Variants in UACA observed in about 807,000 individuals in gnomAD.
UACA encodes nuclear membrane binding protein.
A neutral mutation model predicts 160.5 loss-of-function variants in UACA; 112 were observed. The observed-to-expected ratio is 0.70, with a 90% CI of 0.60 to 0.82. The LOEUF is 0.82. Among genes scored for constraint, UACA ranks in the 40% least tolerant of loss-of-function variants. The pLI is 0.00. For missense variants in UACA, 1,574 were observed against 1,614.6 expected, an observed-to-expected ratio of 0.97 and a Z score of 0.43; for synonymous variants, 557 against 568.4, an observed-to-expected ratio of 0.98 and a Z score of 0.29.
At chr15:70,660,357 C>T (rs1010906247) in intron 17 of UACA, 141 bp from the exon 18 acceptor site, 3 of 591,624 alleles carry the variant, frequency 5.1e-6, no homozygotes, top group Non-Finnish European at 6.0e-6. Context: ...TACCTTGGAC[C>T]TACCAGATGC....
At chr15:70,679,100 T>C (rs918715448) in intron 10 of UACA, among the ~76,000 whole-genome samples, 3 of 152,108 alleles carry the variant, frequency 2.0e-5, no homozygotes, top group African/African-American at 4.8e-5. Flanking sequence ...CAAAAGTCAA[T>C]TCTTAAAGAA....
chr15:70,769,125 G>T, the UACA span, among the ~76,000 whole-genome samples: 1 of 151,924 alleles, frequency 6.6e-6, no homozygotes, highest in Non-Finnish European at 1.5e-5. Flanking sequence ...TTGGGAGGCC[G>T]AGGCGGGCAG....
upstream of UACA, among the ~76,000 whole-genome samples, chr15:70,765,377 T>A (rs2030983391): frequency 6.6e-6 from 1 of 152,218 alleles, no homozygotes; most frequent in Non-Finnish European, 1.5e-5. Context: ...TATTCTCTTT[T>A]ATGTGTGTGT....
Position 70,691,330 on chromosome 15 carries a change from C to A in UACA, c.335G>T (p.Gly112Val), listed in dbSNP as rs776691128. ...RNALHLAAKY[G>V]HALCLQKLLQ... is the part of the protein sequence containing the mutation. ...AAGTTTTTGTAGGCACAATGCATGT[C>A]CATACTTAGCAGCCAGGTGAAGAGC... is the stretch of plus-strand genomic sequence containing the variant. The change falls in exon 4 of 19, where the codon GGA (glycine) becomes GTA (valine). Residue 112 changes from glycine (G) to valine (V), a missense_variant. By Grantham distance (109) the Gly-to-Val change is moderately radical. Coordinates refer to ENST00000322954, the MANE Select transcript of UACA (RefSeq NM_018003.4). 2.2e-5 allele frequency: 35 copies of A among 1,609,364 alleles called. No individual in the cohort carries two copies. The highest frequency in any genetic ancestry group is 3.0e-5 in the Non-Finnish European group (35 of 1,177,602).
chr15:70,690,364 T>C, intron 5 of UACA, 90 bp downstream of exon 5: 2 of 1,130,936 alleles, frequency 1.8e-6, no homozygotes, highest in East Asian at 2.5e-5. Context: ...CCATGAATTA[T>C]ATAAATATCT....
chr15:70,742,822 T>C (rs1166782624), intron 1 of UACA, among the ~76,000 whole-genome samples: 1 of 152,186 alleles, frequency 6.6e-6, no homozygotes, highest in Admixed American at 6.5e-5. Flanking sequence ...CCAAGTGGCC[T>C]TGCATATCAA....
At chr15:70,713,556 T>G (rs1418330830) in intron 1 of UACA, among the ~76,000 whole-genome samples, 1 of 152,142 alleles carries the variant, frequency 6.6e-6, no homozygotes, top group Non-Finnish European at 1.5e-5. Flanking sequence ...CAGGATGAGA[T>G]AAGAAGGCAG....
the UACA span, among the ~76,000 whole-genome samples, chr15:70,774,501 G>A: frequency 5.8e-4 from 84 of 144,090 alleles, 1 homozygote; most frequent in South Asian, 0.01. Context: ...AGCCAAGATC[G>A]TGCCACTGCA....
upstream of UACA, among the ~76,000 whole-genome samples, chr15:70,767,217 G>A (rs574249764): frequency 7.3e-6 from 1 of 137,086 alleles, no homozygotes; most frequent in Admixed American, 7.7e-5. Flanking sequence ...TCCGGCCTGA[G>A]CGACAGAGCA....
chr15:70,664,394 A>C (rs1896829283), intron 17 of UACA, among the ~76,000 whole-genome samples: 1 of 152,134 alleles, frequency 6.6e-6, no homozygotes, highest in Admixed American at 6.6e-5. Context: ...AATTAAATGG[A>C]GGGAATAAAT....
At chr15:70,754,166 T>G (rs1479811447) in intron 1 of UACA, 2 of 455,892 alleles carry the variant, frequency 4.4e-6, no homozygotes, top group African/African-American at 2.0e-5. Flanking sequence ...TTATCCTAAC[T>G]GGTTGAGACA....
At position 70,667,480 on chromosome 15, in the gene UACA, T is replaced by A. The variant is rs753175278; in HGVS notation, c.3204A>T (p.Leu1068=). The A allele has an allele frequency of 1.7e-5, 27 of 1,611,000 alleles. No homozygotes were observed. The highest frequency in any genetic ancestry group is 2.3e-5 in the Non-Finnish European group (27 of 1,179,726). ...ERALSRKTDE[L]NKQLKDLSQK... ...GTGACAAGTCTTTTAACTGTTTGTT[T>A]AGCTCGTCTGTTTTTCTGCTTAATG... Residue 1068 remains leucine (L), a synonymous_variant, in exon 16 of 19, where the codon CTA becomes CTT. Transcript: ENST00000322954.
chr15:70,698,621 C>T (rs1898217900), intron 2 of UACA, among the ~76,000 whole-genome samples: 1 of 152,192 alleles, frequency 6.6e-6, no homozygotes, highest in Non-Finnish European at 1.5e-5. Context: ...CAGTGACCCA[C>T]ATCACACATT....
intron 7 of UACA, 29 bp downstream of exon 7, chr15:70,687,511 G>T (rs372076501): frequency 1.9e-6 from 3 of 1,598,004 alleles, no homozygotes; most frequent in African/African-American, 2.7e-5. Context: ...TATCCAGCTG[G>T]TATCTGGGAG....
Position 70,668,355 on chromosome 15 carries a change from C to G in UACA, c.2329G>C (p.Glu777Gln). ...KLLDVTQKYTEKKLEMEKLLL... is the reference protein window; with the variant it reads ...KLLDVTQKYTQKKLEMEKLLL... Reference sequence around the variant, plus strand: ...AATTTCTCCATTTCCAACTTCTTTTCTGTATATTTTTGTGTTACATCTAAA... The same window carrying G: ...AATTTCTCCATTTCCAACTTCTTTTGTGTATATTTTTGTGTTACATCTAAA... Residue 777 changes from glutamate (E) to glutamine (Q), a missense_variant, in exon 16 of 19, where the codon GAA becomes CAA. By Grantham distance (29) the Glu-to-Gln change is conservative. Coordinates refer to ENST00000322954, the MANE Select transcript of UACA (RefSeq NM_018003.4). The G allele has an allele frequency of 6.2e-7, 1 of 1,608,854 alleles. No homozygotes were observed. Among genetic ancestry groups the G allele is most frequent in the Non-Finnish European group, 8.5e-7 (1 of 1,178,856 alleles).
intron 9 of UACA, among the ~76,000 whole-genome samples, chr15:70,681,050 GCACCTGCC>G (rs1897484501): frequency 6.6e-6 from 1 of 152,138 alleles, no homozygotes; most frequent in South Asian, 2.1e-4. Context: ...CAGGGGCTGG[GCACCTGCC>G]CTTCCCTCAG....
At chr15:70,749,721 A>AAAAAAAAAAAAAAAAAAAAAAAT (rs2029921952) in intron 1 of UACA, among the ~76,000 whole-genome samples, 1 of 142,432 alleles carries the variant, frequency 7.0e-6, no homozygotes, top group African/African-American at 2.5e-5. Flanking sequence ...AAAAAAAAAA[A>AAAAAAAAAAAAAAAAAAAAAAAT]GTTGGAGAAA....
At position 70,763,485 on chromosome 15, in the gene UACA, T is replaced by C. The variant is rs1002244957; in HGVS notation, c.-78A>G. 2.4e-6 allele frequency: 3 copies of C among 1,259,484 alleles called. No individual in the cohort carries two copies. The highest frequency in any genetic ancestry group is 1.6e-5 in the African/African-American group (1 of 64,298). The allele number at this position is 1,259,484 out of a possible 1,614,324, so 78.0% of individuals were successfully genotyped here. A position where few individuals can be genotyped will look rare whatever the true frequency, so the allele number is the denominator to read the frequency against. On this transcript the variant is annotated 5_prime_UTR_variant, in exon 1 of 19. Coordinates refer to ENST00000322954, the MANE Select transcript of UACA (RefSeq NM_018003.4). ...CGCGCAAGGAGTAGACGGCAGCGGC[T>C]GCAGCAGAGGCGGCGCGGGCTGTAC...
chr15:70,763,166 CTCTGGGCTG>C (rs1353359508), intron 1 of UACA, among the ~76,000 whole-genome samples, 155 bp downstream of exon 1: 1 of 152,114 alleles, frequency 6.6e-6, no homozygotes, highest in Non-Finnish European at 1.5e-5. Flanking sequence ...TCCCCGGGGT[CTCTGGGCTG>C]ACGGAGTCTC....
Sources: allele counts gnomAD v4.1 joint callset (sites outside exome capture counted in the v4.1 genomes callset), GRCh38; gene constraint gnomAD v4.1.1; transcripts MANE v1.5; gene names NCBI Gene and HGNC (gene_info 2026-07-23, HGNC 2026-07-21).